ROBO2: variants seen among roughly 807,000 people sequenced by gnomAD.
The protein encoded by ROBO2 is roundabout guidance receptor 2, also known as roundabout homolog 2.
ROBO2 carries 53 observed loss-of-function variants against 160.8 expected under a neutral mutation model. The ratio of observed to expected loss-of-function variants is 0.33; its 90% CI spans 0.26 to 0.41. The LOEUF (loss-of-function observed/expected upper bound fraction) is 0.41. Ranked by LOEUF, ROBO2 falls within the 10% of genes least tolerant of loss-of-function variation. The pLI is 1.00. For synonymous variants in ROBO2, 664 were observed against 611.7 expected (o/e 1.09, Z -1.26); for missense variants, 1,577 against 1,722.4 (o/e 0.92, Z 1.49).
intron 2 of ROBO2, among the ~76,000 whole-genome samples, chr3:76,486,847 C>A (rs532669104): frequency 1.0e-3 from 156 of 152,252 alleles, no homozygotes; most frequent in African/African-American, 3.6e-3. Context: ...TATGAGGTTT[C>A]CTTTTTCAAC....
At chr3:77,167,968 G>T (rs995001568) in intron 2 of ROBO2, among the ~76,000 whole-genome samples, 4 of 152,126 alleles carry the variant, frequency 2.6e-5, no homozygotes, top group African/African-American at 9.7e-5. Context: ...ACTTGTCTTC[G>T]TCTTGATCAG....
Position 75,986,998 on chromosome 3 carries a change from G to A in ROBO2, c.109+49396G>A, listed in dbSNP as rs557295298. On this transcript the variant is annotated intron_variant, in intron 2 of 26. Transcript: ENST00000487694. Reference sequence around the variant, plus strand: ...GGTTTGTAATAAATTTTGAAACCAGGGAGTGTGAGTTCTGCAGCTTTGTTC... The same window carrying A: ...GGTTTGTAATAAATTTTGAAACCAGAGAGTGTGAGTTCTGCAGCTTTGTTC... Among the ~76,000 whole-genome samples the A allele has an allele frequency of 9.9e-5, 15 of 151,730 alleles. No individual in the cohort carries two copies. The South Asian group carries it at 1.9e-3, about 19-fold the overall frequency.
intron 2 of ROBO2, among the ~76,000 whole-genome samples, chr3:76,622,993 C>A (rs558855265): frequency 8.5e-5 from 13 of 152,300 alleles, no homozygotes; most frequent in African/African-American, 2.9e-4. Context: ...CAATCTTACC[C>A]TTTCTCTCTC....
At chr3:77,263,421 A>T (rs1186943552) in intron 2 of ROBO2, among the ~76,000 whole-genome samples, 1 of 152,058 alleles carries the variant, frequency 6.6e-6, no homozygotes, top group Non-Finnish European at 1.5e-5. Context: ...CCATTATCTG[A>T]TAGGCCTCAG....
intron 2 of ROBO2, among the ~76,000 whole-genome samples, chr3:75,944,045 A>C (rs1948171781): frequency 6.6e-6 from 1 of 152,068 alleles, no homozygotes; most frequent in East Asian, 1.9e-4. Flanking sequence ...AATATAATAT[A>C]AATTGTTTAA....
At chr3:76,829,159 C>T (rs1447569772) in intron 2 of ROBO2, among the ~76,000 whole-genome samples, 2 of 152,116 alleles carry the variant, frequency 1.3e-5, no homozygotes, top group African/African-American at 4.8e-5. Context: ...TTCTTCAACC[C>T]ACCAAACTCA....
At chr3:75,979,515 T>G (rs894900466) in intron 2 of ROBO2, among the ~76,000 whole-genome samples, 1 of 151,346 alleles carries the variant, frequency 6.6e-6, no homozygotes, top group Non-Finnish European at 1.5e-5. Flanking sequence ...CGAGGACAGG[T>G]TTTTTTCACA....
intron 2 of ROBO2, among the ~76,000 whole-genome samples, chr3:76,280,233 A>T (rs962068447): frequency 6.6e-6 from 1 of 152,010 alleles, no homozygotes; most frequent in Non-Finnish European, 1.5e-5. Flanking sequence ...AGTGGAAAGT[A>T]TCTTGCTTTT....
At chr3:76,757,081 T>C (rs1476534828) in intron 2 of ROBO2, among the ~76,000 whole-genome samples, 2 of 151,948 alleles carry the variant, frequency 1.3e-5, no homozygotes, top group African/African-American at 4.8e-5. Flanking sequence ...TGCAATCTAT[T>C]TAAGGTATTT....
intron 1 of ROBO2, among the ~76,000 whole-genome samples, chr3:77,078,560 C>T (rs1291018378): frequency 6.6e-6 from 1 of 152,120 alleles, no homozygotes; most frequent in Non-Finnish European, 1.5e-5. Context: ...TCAAAAAGTG[C>T]GGTTTGCATG....
chr3:76,808,079 T>G (rs2064874179), intron 2 of ROBO2, among the ~76,000 whole-genome samples: 1 of 152,086 alleles, frequency 6.6e-6, no homozygotes, highest in Non-Finnish European at 1.5e-5. Flanking sequence ...ATAATAAATA[T>G]AATGTACTTG....
intron 2 of ROBO2, among the ~76,000 whole-genome samples, chr3:76,990,995 C>T (rs922397754): frequency 2.0e-5 from 3 of 152,130 alleles, no homozygotes; most frequent in Non-Finnish European, 2.9e-5. Context: ...CAGAAGCATG[C>T]CAACTTGTAA....
At chr3:76,053,201 C>A (rs2067713822) in intron 2 of ROBO2, among the ~76,000 whole-genome samples, 1 of 151,904 alleles carries the variant, frequency 6.6e-6, no homozygotes, top group Non-Finnish European at 1.5e-5. Flanking sequence ...GTACATGATT[C>A]ATTTAGTTTT....
At chr3:76,081,444 A>G (rs1323363213) in intron 2 of ROBO2, among the ~76,000 whole-genome samples, 1 of 152,188 alleles carries the variant, frequency 6.6e-6, no homozygotes, top group Admixed American at 6.5e-5. Flanking sequence ...AGTTTAGCTC[A>G]GCCTCACATA....
intron 2 of ROBO2, among the ~76,000 whole-genome samples, chr3:76,814,565 C>A (rs1049266156): frequency 2.7e-5 from 4 of 150,720 alleles, no homozygotes; most frequent in Non-Finnish European, 4.4e-5. Flanking sequence ...TTAAATTAGT[C>A]GAAACCATAC....
intron 2 of ROBO2, among the ~76,000 whole-genome samples, chr3:77,227,523 G>A (rs990608742): frequency 6.6e-6 from 1 of 152,312 alleles, no homozygotes; most frequent in South Asian, 2.1e-4. Context: ...TAATGCACTT[G>A]AAGAAACACC....
At chr3:76,978,606 G>T (rs1159586021) in intron 2 of ROBO2, among the ~76,000 whole-genome samples, 1 of 152,014 alleles carries the variant, frequency 6.6e-6, no homozygotes, top group Non-Finnish European at 1.5e-5. Flanking sequence ...AAAAATGAAA[G>T]CAGTATTATA....
intron 2 of ROBO2, among the ~76,000 whole-genome samples, chr3:76,739,601 A>G (rs1479031389): frequency 1.3e-5 from 2 of 151,686 alleles, no homozygotes; most frequent in Non-Finnish European, 2.9e-5. Context: ...CGTTGTGCAC[A>G]TGTACCCTAA....
At chr3:77,543,122 G>T (rs2092549053) in intron 6 of ROBO2, among the ~76,000 whole-genome samples, 1 of 152,016 alleles carries the variant, frequency 6.6e-6, no homozygotes, top group African/African-American at 2.4e-5. Flanking sequence ...CCAAAGTACA[G>T]CTCTAATGTA....
Sources: gnomAD v4.1 joint callset for allele counts (sites outside exome capture counted in the v4.1 genomes callset) on GRCh38, gnomAD v4.1.1 for gene constraint, MANE v1.5 for transcripts, NCBI Gene and HGNC (gene_info 2026-07-23, HGNC 2026-07-21) for gene names.